Variants in ALK observed in about 807,000 individuals in gnomAD.
The protein encoded by ALK is ALK receptor tyrosine kinase.
A neutral mutation model predicts 163.1 loss-of-function variants in ALK; 74 were observed. The ratio of observed to expected loss-of-function variants is 0.45; its 90% confidence interval spans 0.38 to 0.55. ALK has a LOEUF of 0.55. ALK is among the 20% of genes least tolerant of loss of function. The pLI is 0.00. For synonymous variants in ALK, 960 were observed against 843.2 expected, an observed-to-expected ratio of 1.14 and a Z score of -2.40; for missense variants, 2,063 against 2,105.3, an observed-to-expected ratio of 0.98 and a Z score of 0.39.
At chr2:29,838,143 A>G (rs1278698041) in intron 1 of ALK, among the ~76,000 whole-genome samples, 3 of 152,150 alleles carry the variant, frequency 2.0e-5, no homozygotes, top group African/African-American at 7.2e-5. Context: ...GAACTTGAAG[A>G]GCAGTCATAG....
intron 4 of ALK, among the ~76,000 whole-genome samples, chr2:29,404,319 A>G (rs1048347258): frequency 6.6e-6 from 1 of 152,110 alleles, no homozygotes; most frequent in East Asian, 1.9e-4. Flanking sequence ...AAAAAAAAAA[A>G]AAAAAAAGAG....
At chr2:29,546,290 C>T (rs554851840) in intron 3 of ALK, among the ~76,000 whole-genome samples, 3 of 152,158 alleles carry the variant, frequency 2.0e-5, no homozygotes, top group South Asian at 2.1e-4. Flanking sequence ...ATACTGCATG[C>T]GTGCCCTGGG....
intron 1 of ALK, among the ~76,000 whole-genome samples, chr2:29,916,312 C>T (rs1025173415): frequency 6.6e-6 from 1 of 152,234 alleles, no homozygotes; most frequent in African/African-American, 2.4e-5. Flanking sequence ...CTCTCCTTCA[C>T]TGCCACTCTC....
rs1006982557 is a variant in ALK, at chr2:29,233,842, T to C, written c.2356-146A>G. ...TTGAGGAGGCAGAAAAATATACCAA[T>C]AACTGTCACTCTGGGCAGTGTTAGG... On this transcript the variant is annotated intron_variant, in intron 13 of 28. Coordinates refer to ENST00000389048, the MANE Select transcript of ALK (RefSeq NM_004304.5). 19 of 975,550 alleles carry C rather than the reference T, an allele frequency of 1.9e-5. 1 individual carries two copies. The Middle Eastern group carries it at 1.9e-3, about 97-fold the overall frequency. 60.4% of individuals were successfully genotyped at this position (975,550 alleles called of 1,614,324 possible).
chr2:29,224,229 T>C (rs1663857363), intron 19 of ALK, among the ~76,000 whole-genome samples: 1 of 152,172 alleles, frequency 6.6e-6, no homozygotes, highest in Non-Finnish European at 1.5e-5. Context: ...AGCCACATCA[T>C]GAAAAGATCT....
chr2:29,215,700 AGCGT>A, intron 23 of ALK, among the ~76,000 whole-genome samples: 1 of 18,680 alleles, frequency 5.4e-5, no homozygotes, highest in Admixed American at 1.5e-3. Flanking sequence ...AGGGGGTTGG[AGCGT>A]ATGTATGTGA....
intron 11 of ALK, among the ~76,000 whole-genome samples, chr2:29,267,855 G>A (rs1196820224): frequency 6.6e-6 from 1 of 152,206 alleles, no homozygotes; most frequent in Admixed American, 6.5e-5. Context: ...AGAGAAGAAT[G>A]ATAAAAAAGC....
intron 1 of ALK, among the ~76,000 whole-genome samples, chr2:29,823,612 A>C (rs1572408868): frequency 6.6e-6 from 1 of 152,184 alleles, no homozygotes; most frequent in African/African-American, 2.4e-5. Flanking sequence ...TTTAGCAAAG[A>C]GATTGGTGGC....
chr2:29,918,040 A>T (rs1667882439), intron 1 of ALK, among the ~76,000 whole-genome samples: 1 of 152,184 alleles, frequency 6.6e-6, no homozygotes, highest in African/African-American at 2.4e-5. Flanking sequence ...CTTTCTACAT[A>T]AACCTCCCCA....
At chr2:29,813,755 CT>C (rs1664817964) in intron 1 of ALK, among the ~76,000 whole-genome samples, 1 of 152,206 alleles carries the variant, frequency 6.6e-6, no homozygotes, top group African/African-American at 2.4e-5. Flanking sequence ...TAAACTCAGT[CT>C]GTTCTCCTTG....
chr2:29,322,978 G>C (rs1261511969), intron 6 of ALK, among the ~76,000 whole-genome samples: 1 of 152,186 alleles, frequency 6.6e-6, no homozygotes, highest in Non-Finnish European at 1.5e-5. Flanking sequence ...ACCCTTTTAG[G>C]AGGCAGAGGG....
At chr2:29,338,568 G>A (rs1199449934) in intron 5 of ALK, among the ~76,000 whole-genome samples, 1 of 152,180 alleles carries the variant, frequency 6.6e-6, no homozygotes, top group Non-Finnish European at 1.5e-5. Context: ...CTTCTCTCTT[G>A]AAGAAAGACA....
intron 1 of ALK, among the ~76,000 whole-genome samples, chr2:29,842,249 G>A (rs928732082): frequency 2.0e-5 from 3 of 152,140 alleles, no homozygotes; most frequent in Non-Finnish European, 4.4e-5. Context: ...AAGACCCGAG[G>A]AGAGGTTCTG....
At chr2:29,465,150 G>A (rs1006905430) in intron 4 of ALK, among the ~76,000 whole-genome samples, 2 of 152,038 alleles carry the variant, frequency 1.3e-5, no homozygotes, top group South Asian at 2.1e-4. Flanking sequence ...CTTAATATGA[G>A]TGATAAGAAG....
chr2:29,853,215 C>T (rs796472046), intron 1 of ALK, among the ~76,000 whole-genome samples: 6 of 152,264 alleles, frequency 3.9e-5, no homozygotes, highest in Admixed American at 2.0e-4. Context: ...TCTCTCCACT[C>T]CCCAGCTTCT....
At chr2:29,661,819 C>G (rs1677356323) in intron 3 of ALK, among the ~76,000 whole-genome samples, 1 of 152,172 alleles carries the variant, frequency 6.6e-6, no homozygotes, top group African/African-American at 2.4e-5. Context: ...TGAGGCCCAA[C>G]AGAGGCCAAT....
At chr2:29,627,700 G>T (rs980966858) in intron 3 of ALK, among the ~76,000 whole-genome samples, 7 of 152,214 alleles carry the variant, frequency 4.6e-5, no homozygotes, top group African/African-American at 1.7e-4. Flanking sequence ...AATACTTCAA[G>T]TTCTATGAAT....
chr2:29,789,943 G>C (rs1263934153), intron 1 of ALK, among the ~76,000 whole-genome samples: 1 of 152,144 alleles, frequency 6.6e-6, no homozygotes, highest in East Asian at 1.9e-4. Context: ...TAATATCCAG[G>C]GCCCTGTAAA....
At chr2:29,512,762 C>T (rs1035567421) in intron 4 of ALK, among the ~76,000 whole-genome samples, 16 of 148,888 alleles carry the variant, frequency 1.1e-4, no homozygotes, top group African/African-American at 4.0e-4. Context: ...CTGTCTCAGC[C>T]CAAAATCTCC....
Sources: gnomAD v4.1 joint callset for allele counts (sites outside exome capture counted in the v4.1 genomes callset) on GRCh38, gnomAD v4.1.1 for gene constraint, MANE v1.5 for transcripts, NCBI Gene and HGNC (gene_info 2026-07-23, HGNC 2026-07-21) for gene names.